Variants in ESR1 observed in about 807,000 individuals in gnomAD.
ESR1 encodes estrogen receptor 1, also known as estrogen receptor.
ESR1 carries 12 observed loss-of-function variants against 52.7 expected under a neutral mutation model. That is an observed-to-expected ratio of 0.23 (90% CI 0.15 to 0.37). The LOEUF is 0.37. Ranked by LOEUF, ESR1 falls within the 10% of genes least tolerant of loss-of-function variation. The pLI, the probability that ESR1 is intolerant of heterozygous loss-of-function variation, is 1.00. For missense variants in ESR1, 584 were observed against 779.7 expected (o/e 0.75, Z 2.99); for synonymous variants, 305 against 316.8 (o/e 0.96, Z 0.39).
At chr6:151,774,015 C>T (rs990145643) in intron 2 of ESR1, among the ~76,000 whole-genome samples, 3 of 152,018 alleles carry the variant, frequency 2.0e-5, no homozygotes, top group Non-Finnish European at 4.4e-5. Context: ...TGATGCTTTG[C>T]ATGAAATAGG....
At chr6:151,742,950 G>T (rs1783206160) in intron 2 of ESR1, among the ~76,000 whole-genome samples, 1 of 152,206 alleles carries the variant, frequency 6.6e-6, no homozygotes, top group Admixed American at 6.5e-5. Flanking sequence ...ATTGAATGGT[G>T]CTTAATATGA....
At chr6:151,978,045 ATCAGAC>A (rs1284948072) in intron 4 of ESR1, among the ~76,000 whole-genome samples, 5 of 151,854 alleles carry the variant, frequency 3.3e-5, no homozygotes, top group Admixed American at 2.6e-4. Context: ...AATAAAATGA[ATCAGAC>A]TCAGAGGCTT....
chr6:151,665,627 C>T (rs982350307), intron 1 of ESR1, among the ~76,000 whole-genome samples: 4 of 151,250 alleles, frequency 2.6e-5, no homozygotes, highest in South Asian at 4.2e-4. Context: ...CTTTTTTTTT[C>T]GCTGAATTCA....
chr6:151,672,260 C>T (rs555892999), intron 1 of ESR1, among the ~76,000 whole-genome samples: 4 of 151,896 alleles, frequency 2.6e-5, no homozygotes, highest in South Asian at 2.1e-4. Context: ...AAAATATATG[C>T]GGTTTTTATT....
At position 152,029,489 on chromosome 6, in the gene ESR1, C is replaced by T. The variant is rs574538551; in HGVS notation, c.1235+17695C>T. On this transcript the variant is annotated intron_variant, in intron 5 of 7. Transcript: ENST00000206249. ...CAACCAAGGCACAAGAACTATGTGACGAATGCACAAGCTTCAGTAGCTGAT... is the reference window on the plus strand; with the variant it reads ...CAACCAAGGCACAAGAACTATGTGATGAATGCACAAGCTTCAGTAGCTGAT... 2.4e-4 allele frequency among the ~76,000 whole-genome samples: 36 copies of T among 152,178 alleles called. No homozygotes were observed. The South Asian group carries it at 4.1e-3, about 18-fold the overall frequency.
chr6:152,017,159 C>T (rs2043230171), intron 5 of ESR1, among the ~76,000 whole-genome samples: 1 of 152,158 alleles, frequency 6.6e-6, no homozygotes, highest in African/African-American at 2.4e-5. Context: ...AACCTGCTGC[C>T]ATCCCACATT....
intron 4 of ESR1, among the ~76,000 whole-genome samples, chr6:151,964,971 G>C (rs1042403771): frequency 1.3e-5 from 2 of 152,080 alleles, no homozygotes; most frequent in Non-Finnish European, 2.9e-5. Flanking sequence ...GATATATACA[G>C]GCTTGTTGAA....
chr6:152,041,532 A>G lies in ESR1; in HGVS notation c.1236-19459A>G, dbSNP rs530087394. Among the ~76,000 whole-genome samples, 9 of 152,344 alleles carry G rather than the reference A, an allele frequency of 5.9e-5. No individual in the cohort carries two copies. The East Asian group carries it at 1.5e-3, about 26-fold the overall frequency. On this transcript the variant is annotated intron_variant, in intron 5 of 7. Coordinates refer to ENST00000206249, the MANE Select transcript of ESR1 (RefSeq NM_000125.4). ...ACAGACCCCACACCACTGGACCCCT[A>G]GAAGTTTTACTGAGGTAGAAGTTCC...
downstream of ESR1, among the ~76,000 whole-genome samples, chr6:152,107,200 T>C (rs182601870): frequency 6.6e-6 from 1 of 152,272 alleles, no homozygotes; most frequent in East Asian, 1.9e-4. Context: ...CCTTCATCTC[T>C]CCCCTCCCTT....
At chr6:152,095,222 G>C (rs766988096) in intron 7 of ESR1, among the ~76,000 whole-genome samples, 1 of 152,154 alleles carries the variant, frequency 6.6e-6, no homozygotes, top group South Asian at 2.1e-4. Context: ...AGTTCTCATT[G>C]CTTTTAGATA....
At chr6:151,972,868 G>T (rs1270981779) in intron 4 of ESR1, among the ~76,000 whole-genome samples, 1 of 152,210 alleles carries the variant, frequency 6.6e-6, no homozygotes, top group Admixed American at 6.5e-5. Context: ...GTCTGTGGTT[G>T]AAGGTATAAG....
At chr6:151,921,654 C>T (rs2031705814) in intron 3 of ESR1, among the ~76,000 whole-genome samples, 1 of 152,150 alleles carries the variant, frequency 6.6e-6, no homozygotes, top group Non-Finnish European at 1.5e-5. Flanking sequence ...GATGGTATCT[C>T]ATTGTGGTTT....
chr6:151,922,221 C>G (rs558296822), intron 3 of ESR1, among the ~76,000 whole-genome samples: 4 of 152,040 alleles, frequency 2.6e-5, no homozygotes, highest in Non-Finnish European at 5.9e-5. Context: ...GAAAGGATTG[C>G]CTATTTAATA....
chr6:152,029,467 C>A (rs2044472655), intron 5 of ESR1, among the ~76,000 whole-genome samples: 1 of 152,176 alleles, frequency 6.6e-6, no homozygotes, highest in South Asian at 2.1e-4. Context: ...GAGCTGACAA[C>A]CAAGGCACAA....
intron 6 of ESR1, among the ~76,000 whole-genome samples, chr6:152,111,060 G>A (rs973240359): frequency 5.9e-5 from 9 of 152,110 alleles, no homozygotes; most frequent in South Asian, 2.1e-4. Flanking sequence ...CTGCAGCGGT[G>A]GCACCCTCAC....
intron 1 of ESR1, among the ~76,000 whole-genome samples, chr6:151,810,098 A>T (rs1255621627): frequency 1.3e-5 from 2 of 152,170 alleles, no homozygotes; most frequent in Non-Finnish European, 2.9e-5. Flanking sequence ...TAGATTATTT[A>T]CTGCCTTGCT....
intron 6 of ESR1, among the ~76,000 whole-genome samples, chr6:152,123,076 T>C (rs1585330632): frequency 6.6e-6 from 1 of 152,320 alleles, no homozygotes; most frequent in African/African-American, 2.4e-5. Context: ...ATCATGAACA[T>C]TGTTAAGCAA....
chr6:151,825,350 T>C (rs1781302958), intron 1 of ESR1, among the ~76,000 whole-genome samples: 1 of 152,100 alleles, frequency 6.6e-6, no homozygotes, highest in Non-Finnish European at 1.5e-5. Flanking sequence ...AAATCAGAGC[T>C]ATGGTGTGAA....
intron 2 of ESR1, among the ~76,000 whole-genome samples, chr6:151,703,203 C>T (rs1582945073): frequency 6.6e-6 from 1 of 152,232 alleles, no homozygotes; most frequent in South Asian, 2.1e-4. Flanking sequence ...CCTTTTCTAC[C>T]CTACTGCATA....
Sources: gnomAD v4.1 joint callset for allele counts (sites outside exome capture counted in the v4.1 genomes callset) on GRCh38, gnomAD v4.1.1 for gene constraint, MANE v1.5 for transcripts, NCBI Gene and HGNC (gene_info 2026-07-23, HGNC 2026-07-21) for gene names.